C16orf96: variants seen among roughly 807,000 people sequenced by gnomAD.
C16orf96 encodes the protein uncharacterized protein C16orf96.
A neutral mutation model predicts 103.6 loss-of-function variants in C16orf96; 108 were observed. The observed-to-expected ratio is 1.04, with a 90% CI of 0.89 to 1.22. C16orf96 has a LOEUF of 1.22. Ranked by LOEUF, C16orf96 falls within the 50% of genes most tolerant of loss-of-function variation. The pLI, the probability that C16orf96 is intolerant of heterozygous loss-of-function variation, is 0.00. For missense variants in C16orf96, 1,586 were observed against 1,464.2 expected (o/e 1.08, Z -1.36); for synonymous variants, 566 against 593.5 (o/e 0.95, Z 0.67).
Position 4,575,172 on chromosome 16 carries a change from A to G in C16orf96, c.694-2A>G. 1 of 1,545,608 alleles carries G rather than the reference A, an allele frequency of 6.5e-7. No homozygotes were observed. The highest frequency in any genetic ancestry group is 8.7e-7 in the Non-Finnish European group (1 of 1,146,448). On this transcript the variant is annotated splice_acceptor_variant, in intron 4 of 15. Coordinates refer to ENST00000444310, the MANE Select transcript of C16orf96 (RefSeq NM_001145011.2). LOFTEE classifies it high-confidence loss of function. Reference sequence around the variant, plus strand: ...AGAGCCCCTCTGCCCCCTCTTCTGCAGGAAATTGGTTCATCACCACTGGAC... The same window carrying G: ...AGAGCCCCTCTGCCCCCTCTTCTGCGGGAAATTGGTTCATCACCACTGGAC...
At position 4,594,460 on chromosome 16, in the gene C16orf96, C is replaced by T. The variant is rs1318887483; in HGVS notation, c.2977C>T (p.Leu993=). The T allele has an allele frequency of 1.3e-6, 2 of 1,551,440 alleles. No homozygotes were observed. The highest frequency in any genetic ancestry group is 2.7e-5 in the African/African-American group (2 of 73,048). ...CAGCCTCAAGTGCAAGTCCTGCAAC[C>T]TGTTGACGCTCTATCCCTACGGGGA... is the stretch of plus-strand genomic sequence containing the variant. ...ATSLKCKSCN[L]LTLYPYGDPH... The change falls in exon 13 of 16, where the codon CTG becomes TTG. Residue 993 remains leucine (L), a synonymous_variant. Coordinates refer to ENST00000444310, the MANE Select transcript of C16orf96 (RefSeq NM_001145011.2).
In C16orf96 at chr16:4,599,375, G is replaced by C; in HGVS notation, c.3208+11G>C. On this transcript the variant is annotated intron_variant, in intron 15 of 15. Coordinates refer to ENST00000444310, the MANE Select transcript of C16orf96 (RefSeq NM_001145011.2). ...GCGCCATCTGCCCCCGTGAGTACCTGGTTCCCAGCCCCAGCCCAGCTGTGA... is the reference window on the plus strand; with the variant it reads ...GCGCCATCTGCCCCCGTGAGTACCTCGTTCCCAGCCCCAGCCCAGCTGTGA... The C allele has an allele frequency of 6.5e-7, 1 of 1,549,456 alleles. No individual in the cohort carries two copies.
chr16:4,592,967 G>A (rs150293145), intron 11 of C16orf96, among the ~76,000 whole-genome samples: 8 of 152,314 alleles, frequency 5.3e-5, no homozygotes, highest in East Asian at 1.9e-4. Context: ...ATGCCACCGC[G>A]CCTAGCCTGG....
intron 14 of C16orf96, among the ~76,000 whole-genome samples, chr16:4,595,016 C>G (rs1223197955): frequency 6.6e-6 from 1 of 152,140 alleles, no homozygotes; most frequent in Non-Finnish European, 1.5e-5. Context: ...ATCTGCTGTT[C>G]CCGAGATCAA....
intron 7 of C16orf96, among the ~76,000 whole-genome samples, chr16:4,582,414 C>G (rs910842394): frequency 6.6e-6 from 1 of 152,058 alleles, no homozygotes; most frequent in Non-Finnish European, 1.5e-5. Flanking sequence ...GAAAAGGGAC[C>G]AAGGAAACCC....
Position 4,593,970 on chromosome 16 carries a change from C to T in C16orf96, c.2868-381C>T, listed in dbSNP as rs1039673923. ...CCAGCCTCCAACCCTGCTGTGGGGA[C>T]GTCTGGCCAGGTGGGGGAAGAACCG... On this transcript the variant is annotated intron_variant, in intron 12 of 15. Coordinates refer to ENST00000444310, the MANE Select transcript of C16orf96 (RefSeq NM_001145011.2). This position sits in a 1 kb window ranked among gnomAD's most constrained non-coding sequence, Gnocchi z 4.2. Among the ~76,000 whole-genome samples the T allele has an allele frequency of 1.3e-5, 2 of 152,108 alleles. No homozygotes were observed. The highest frequency in any genetic ancestry group is 1.9e-4 in the East Asian group (1 of 5,178).
chr16:4,551,081 T>A, the C16orf96 span, among the ~76,000 whole-genome samples: 6 of 152,212 alleles, frequency 3.9e-5, no homozygotes, highest in East Asian at 1.9e-4. Flanking sequence ...GAGGCCAGCC[T>A]GGCCAACATG....
chr16:4,591,156 C>T (rs1241683548), intron 9 of C16orf96, among the ~76,000 whole-genome samples: 2 of 152,148 alleles, frequency 1.3e-5, no homozygotes, highest in Admixed American at 1.3e-4. Context: ...CACTGCGCTC[C>T]AGCCTGGGCA....
rs540146973 is a variant in C16orf96, at chr16:4,589,238, C to T, written c.2592+907C>T. 5.3e-5 allele frequency among the ~76,000 whole-genome samples: 8 copies of T among 152,150 alleles called. No individual in the cohort carries two copies. In the South Asian group the frequency reaches 1.7e-3, roughly 32 times the overall value. On this transcript the variant is annotated intron_variant, in intron 9 of 15. Transcript: ENST00000444310. ...CATTGAATGGGACCAGCTTGTGTAACCTACAGGATATTAGAGAGATGATGG... is the reference window on the plus strand; with the variant it reads ...CATTGAATGGGACCAGCTTGTGTAATCTACAGGATATTAGAGAGATGATGG...
intron 2 of C16orf96, among the ~76,000 whole-genome samples, chr16:4,573,268 G>A (rs1363823754): frequency 6.6e-6 from 1 of 151,626 alleles, no homozygotes; most frequent in East Asian, 1.9e-4. Context: ...TAAAACCCCC[G>A]TCTCCACTAA....
In C16orf96 at chr16:4,571,678, C is replaced by T; in HGVS notation, c.525+13C>T. The T allele has an allele frequency of 6.5e-7, 1 of 1,547,052 alleles. No homozygotes were observed. Among genetic ancestry groups the T allele is most frequent in the African/African-American group, 1.4e-5 (1 of 72,986 alleles). On this transcript the variant is annotated intron_variant, in intron 2 of 15. Transcript: ENST00000444310. ...CATGCTTGACAAGGTAGGCCCTCCC[C>T]CAGCATCCTCCATGCCAGCTGCGTT... is the stretch of plus-strand genomic sequence containing the variant.
At chr16:4,564,782 G>C (rs2059370111) in intron 1 of C16orf96, among the ~76,000 whole-genome samples, 1 of 152,214 alleles carries the variant, frequency 6.6e-6, no homozygotes, top group Non-Finnish European at 1.5e-5. Context: ...CTGCACTCCA[G>C]CCTGAGCGAC....
rs1011252209 is a variant in C16orf96 at position 4,575,368 on chromosome 16, A to G, written c.888A>G (p.Gln296=). The G allele has an allele frequency of 3.9e-6, 6 of 1,551,140 alleles. No individual in the cohort carries two copies. In the Admixed American group the frequency reaches 7.8e-5, roughly 20 times the overall value. Residue 296 remains glutamine (Q), a synonymous_variant, in exon 5 of 16, where the codon CAA becomes CAG. Coordinates refer to ENST00000444310, the MANE Select transcript of C16orf96 (RefSeq NM_001145011.2). ...PELLPEGSSA[Q]AVSLSRAQEP... ...TCCTCCCGGAGGGCTCATCTGCCCAAGCAGTTTCACTCAGCAGAGCCCAGG... is the reference window on the plus strand; with the variant it reads ...TCCTCCCGGAGGGCTCATCTGCCCAGGCAGTTTCACTCAGCAGAGCCCAGG...
chr16:4,578,651 G>A (rs540377055), intron 5 of C16orf96, among the ~76,000 whole-genome samples: 3 of 152,050 alleles, frequency 2.0e-5, no homozygotes, highest in African/African-American at 4.8e-5. Context: ...CCAGGTACTC[G>A]GGAGGCTGAG....
rs183954071 is a variant in C16orf96 at position 4,579,993 on chromosome 16, T to G, written c.2242-22T>G. On this transcript the variant is annotated intron_variant, in intron 6 of 15. Transcript: ENST00000444310. ...TAACTTCAGAAGCAGAGGCCTGGGG[T>G]GTCTGTGTCTCCCCCTTTTAGGAGG... The G allele has an allele frequency of 1.9e-4, 292 of 1,522,834 alleles. 1 individual carries two copies. In the African/African-American group the frequency reaches 3.6e-3, roughly 19 times the overall value. The allele number at this position is 1,522,834 out of a possible 1,614,324, so 94.3% of individuals were successfully genotyped here.
At chr16:4,538,714 C>T in the C16orf96 span, 1 of 152,268 alleles carries the variant, frequency 6.6e-6, no homozygotes, top group Non-Finnish European at 1.5e-5. Context: ...TCCCCGCAGC[C>T]CTGGGGCAGC....
chr16:4,596,217 T>G (rs1217408677), intron 14 of C16orf96, among the ~76,000 whole-genome samples: 9 of 152,076 alleles, frequency 5.9e-5, no homozygotes, highest in Non-Finnish European at 5.9e-5. Flanking sequence ...CCGGGCACGG[T>G]GGCTCACGCC....
chr16:4,585,356 C>T (rs375848938), intron 7 of C16orf96, among the ~76,000 whole-genome samples: 2 of 149,144 alleles, frequency 1.3e-5, no homozygotes, highest in East Asian at 3.9e-4. Context: ...CCTCTGGAAG[C>T]TGAGGCAGGA....
In C16orf96 at chr16:4,580,666, G is replaced by A. The variant is rs548217215; in HGVS notation, c.2352+541G>A. Among the ~76,000 whole-genome samples, 224 of 152,110 alleles carry A rather than the reference G, an allele frequency of 1.5e-3. 1 individual carries two copies. Among genetic ancestry groups the A allele is most frequent in the African/African-American group, 5.1e-3 (210 of 41,512 alleles). Reference sequence around the variant, plus strand: ...GTTTGAGACAAGCCAGGGTAACACAGGGAGACCCCATCTCTACACAAATAA... The same window carrying A: ...GTTTGAGACAAGCCAGGGTAACACAAGGAGACCCCATCTCTACACAAATAA... On this transcript the variant is annotated intron_variant, in intron 7 of 15. Coordinates refer to ENST00000444310, the MANE Select transcript of C16orf96 (RefSeq NM_001145011.2).
Sources: gnomAD v4.1 joint callset for allele counts (sites outside exome capture counted in the v4.1 genomes callset) on GRCh38, gnomAD v4.1.1 for gene constraint, Gnocchi (gnomAD v3.1) non-coding constraint, MANE v1.5 for transcripts, NCBI Gene and HGNC (gene_info 2026-07-23, HGNC 2026-07-21) for gene names.